TBPL1: variants seen among roughly 807,000 people sequenced by gnomAD.
TBPL1 encodes the protein TATA box-binding protein-like 1.
In TBPL1, 4 loss-of-function variants were observed where a neutral mutation model predicts 22.1. The ratio of observed to expected loss-of-function variants is 0.18; its 90% CI spans 0.09 to 0.41. The LOEUF (loss-of-function observed/expected upper bound fraction) is 0.41. TBPL1 is among the 10% of genes least tolerant of loss of function. The pLI is 1.00. For synonymous variants in TBPL1, 64 were observed against 71.0 expected (o/e 0.90, Z 0.50); for missense variants, 115 against 222.3 (o/e 0.52, Z 3.07).
At chr6:133,981,366 C>T (rs1256706661) in intron 2 of TBPL1, among the ~76,000 whole-genome samples, 1 of 152,144 alleles carries the variant, frequency 6.6e-6, no homozygotes, top group Non-Finnish European at 1.5e-5. Flanking sequence ...TGTCAGCAAT[C>T]CCATCCTTCC....
In TBPL1 at chr6:133,980,264, A is replaced by C. The variant is rs766111165; in HGVS notation, c.135+4A>C. The C allele has an allele frequency of 5.0e-6, 8 of 1,600,186 alleles. No homozygotes were observed. The Admixed American group carries it at 1.4e-4, about 28-fold the overall frequency. The stretch of plus-strand genomic sequence containing the variant: ...AATTTATAAACGTGATGTTGGAGTA[A>C]GTATCTGAGTTTTCGTATTTGTACT... On this transcript the variant is annotated splice_donor_region_variant and intron_variant, in intron 2 of 6. Coordinates refer to ENST00000237264, the MANE Select transcript of TBPL1 (RefSeq NM_004865.4).
intron 1 of TBPL1, among the ~76,000 whole-genome samples, chr6:133,968,281 G>A (rs1776156362): frequency 6.6e-6 from 1 of 152,086 alleles, no homozygotes; most frequent in South Asian, 2.1e-4. Context: ...AAAATGACAT[G>A]CTATCTTCCT....
intron 1 of TBPL1, among the ~76,000 whole-genome samples, chr6:133,961,711 G>A (rs1776028091): frequency 1.3e-5 from 2 of 152,010 alleles, no homozygotes; most frequent in Admixed American, 6.6e-5. Flanking sequence ...TGATCCATGC[G>A]CCTTGGCCTC....
chr6:133,978,958 AT>A (rs373711128), intron 1 of TBPL1, among the ~76,000 whole-genome samples: 13 of 152,162 alleles, frequency 8.5e-5, no homozygotes, highest in African/African-American at 2.4e-4. Context: ...TCAAATTGCC[AT>A]TGTTTATTTT....
intron 1 of TBPL1, among the ~76,000 whole-genome samples, chr6:133,977,472 C>G (rs1328002134): frequency 6.6e-6 from 1 of 152,006 alleles, no homozygotes; most frequent in East Asian, 1.9e-4. Context: ...GTGTTGTCCC[C>G]TCAGGCAGAA....
intron 1 of TBPL1, among the ~76,000 whole-genome samples, chr6:133,956,513 A>G (rs1056452545): frequency 6.6e-6 from 1 of 152,156 alleles, no homozygotes; most frequent in African/African-American, 2.4e-5. Context: ...AATGGACTTC[A>G]TCATGCCTGC....
At chr6:133,968,548 A>T (rs1208451132) in intron 1 of TBPL1, among the ~76,000 whole-genome samples, 1 of 152,224 alleles carries the variant, frequency 6.6e-6, no homozygotes, top group East Asian at 1.9e-4. Context: ...TTATTCTTCA[A>T]AACAATCATG....
At chr6:133,979,732 C>T (rs886262019) in intron 1 of TBPL1, among the ~76,000 whole-genome samples, 6 of 151,870 alleles carry the variant, frequency 4.0e-5, no homozygotes, top group African/African-American at 1.5e-4. Context: ...CTGCAACCTC[C>T]GCCTCCCAGG....
At chr6:133,967,197 T>A (rs892075328) in intron 1 of TBPL1, among the ~76,000 whole-genome samples, 2 of 152,164 alleles carry the variant, frequency 1.3e-5, no homozygotes, top group African/African-American at 4.8e-5. Flanking sequence ...TATCCCCTAG[T>A]ATGGGTCTTA....
chr6:133,955,974 A>G (rs1361411806), intron 1 of TBPL1, among the ~76,000 whole-genome samples: 1 of 152,248 alleles, frequency 6.6e-6, no homozygotes, highest in Non-Finnish European at 1.5e-5. Context: ...TATGAAACAT[A>G]TAGCTGAATG....
intron 1 of TBPL1, among the ~76,000 whole-genome samples, chr6:133,969,366 A>G (rs1357457713): frequency 1.3e-5 from 2 of 151,164 alleles, no homozygotes; most frequent in Non-Finnish European, 2.9e-5. Flanking sequence ...TTTTTTAACC[A>G]TAATTCACTT....
At chr6:133,972,073 G>A (rs1298432510) in intron 1 of TBPL1, among the ~76,000 whole-genome samples, 1 of 152,100 alleles carries the variant, frequency 6.6e-6, no homozygotes, top group Admixed American at 6.6e-5. Context: ...TTTGTTTGGT[G>A]GCAAGATTCC....
At chr6:133,968,011 CTTT>C (rs535103637) in intron 1 of TBPL1, among the ~76,000 whole-genome samples, 7 of 136,042 alleles carry the variant, frequency 5.1e-5, no homozygotes, top group South Asian at 2.4e-4. Flanking sequence ...TGACTATTTT[CTTT>C]TTTTTTTTTT....
chr6:133,956,421 A>G (rs3777895), intron 1 of TBPL1, among the ~76,000 whole-genome samples: 7 of 151,814 alleles, frequency 4.6e-5, no homozygotes, highest in African/African-American at 1.7e-4. Context: ...GAGAAATGAC[A>G]TGTGTGTAAT....
At chr6:133,969,251 CTTTTTTTTTTT>C (rs536421364) in intron 1 of TBPL1, among the ~76,000 whole-genome samples, 1 of 122,608 alleles carries the variant, frequency 8.2e-6, no homozygotes, top group Non-Finnish European at 1.7e-5. Flanking sequence ...ATAAAATACA[CTTTTTTTTTTT>C]TTTTTTTTTT....
chr6:133,982,770 T>C, intron 3 of TBPL1, 47 bp from the exon 4 acceptor site: 4 of 1,597,380 alleles, frequency 2.5e-6, no homozygotes, highest in Non-Finnish European at 3.4e-6. Flanking sequence ...AGTATAACAT[T>C]TATTTCCTGT....
intron 1 of TBPL1, among the ~76,000 whole-genome samples, chr6:133,979,629 T>G (rs1051334945): frequency 1.3e-5 from 2 of 152,098 alleles, no homozygotes; most frequent in Non-Finnish European, 2.9e-5. Context: ...ACATTTTTAG[T>G]GGGGAAAAGA....
At chr6:133,979,737 C>G (rs1051610497) in intron 1 of TBPL1, among the ~76,000 whole-genome samples, 1 of 151,970 alleles carries the variant, frequency 6.6e-6, no homozygotes, top group Non-Finnish European at 1.5e-5. Flanking sequence ...ACCTCCGCCT[C>G]CCAGGTTCAA....
At chr6:133,964,541 C>T (rs557093115) in intron 1 of TBPL1, among the ~76,000 whole-genome samples, 96 of 150,974 alleles carry the variant, frequency 6.4e-4, no homozygotes, top group Non-Finnish European at 1.0e-3. Context: ...AGCTCCGTCT[C>T]CCGGGTTCAC....
Sources: allele counts gnomAD v4.1 joint callset (sites outside exome capture counted in the v4.1 genomes callset), GRCh38; gene constraint gnomAD v4.1.1; transcripts MANE v1.5; gene names NCBI Gene and HGNC (gene_info 2026-07-23, HGNC 2026-07-21).